Variants in EYA4 observed in about 807,000 individuals in gnomAD.
EYA4 encodes the protein EYA transcriptional coactivator and phosphatase 4, also known as protein phosphatase EYA4.
In EYA4, 31 loss-of-function variants were observed where a neutral mutation model predicts 87.9. The observed-to-expected ratio is 0.35, with a 90% CI of 0.27 to 0.48. The LOEUF is 0.48. EYA4 is among the 20% of genes least tolerant of loss of function. EYA4 has a pLI of 0.99. For missense variants in EYA4, 678 were observed against 761.4 expected, an observed-to-expected ratio of 0.89 and a Z score of 1.29; for synonymous variants, 263 against 270.6, an observed-to-expected ratio of 0.97 and a Z score of 0.28.
chr6:133,504,292 A>T (rs866247886), intron 13 of EYA4, among the ~76,000 whole-genome samples: 5 of 152,176 alleles, frequency 3.3e-5, no homozygotes, highest in Admixed American at 2.6e-4. Flanking sequence ...ATCTTTGGGT[A>T]TATAGTCCCA....
At chr6:133,477,490 G>C (rs1795844852) in intron 11 of EYA4, among the ~76,000 whole-genome samples, 1 of 151,908 alleles carries the variant, frequency 6.6e-6, no homozygotes, top group African/African-American at 2.4e-5. Flanking sequence ...AGTTGTTTAA[G>C]TTCCTTGTGT....
intron 3 of EYA4, among the ~76,000 whole-genome samples, chr6:133,431,348 G>A (rs761917778): frequency 9.2e-5 from 14 of 152,160 alleles, no homozygotes; most frequent in Admixed American, 2.0e-4. Flanking sequence ...CTGTTCTAGG[G>A]CAAGTGTGGC....
intron 18 of EYA4, among the ~76,000 whole-genome samples, chr6:133,523,884 G>C (rs533154114): frequency 6.6e-6 from 1 of 152,268 alleles, no homozygotes; most frequent in East Asian, 1.9e-4. Context: ...AAATAAATGG[G>C]TTGTGTAATA....
intron 2 of EYA4, among the ~76,000 whole-genome samples, chr6:133,380,610 A>G (rs761263091): frequency 6.6e-6 from 1 of 152,110 alleles, no homozygotes; most frequent in Non-Finnish European, 1.5e-5. Context: ...CTGTGTATTC[A>G]TTGGGCAGTT....
At chr6:133,329,700 T>G (rs920407368) in intron 2 of EYA4, among the ~76,000 whole-genome samples, 1 of 152,098 alleles carries the variant, frequency 6.6e-6, no homozygotes, top group African/African-American at 2.4e-5. Flanking sequence ...TGGTGCTTGG[T>G]GTTTCTCAAA....
chr6:133,334,155 G>A (rs2128391286), intron 2 of EYA4, among the ~76,000 whole-genome samples: 1 of 152,290 alleles, frequency 6.6e-6, no homozygotes, highest in Middle Eastern at 3.4e-3. Flanking sequence ...TTCCCACATG[G>A]CTTAATAACT....
At chr6:133,273,111 A>ATATATATATATATATATATATG (rs1776867418) in intron 1 of EYA4, among the ~76,000 whole-genome samples, 4 of 148,224 alleles carry the variant, frequency 2.7e-5, no homozygotes, top group African/African-American at 1.0e-4. Flanking sequence ...ATATATATAT[A>ATATATATATATATATATATATG]TATATAAAGG....
intron 1 of EYA4, among the ~76,000 whole-genome samples, chr6:133,257,951 A>T (rs1775475830): frequency 6.6e-6 from 1 of 152,228 alleles, no homozygotes; most frequent in African/African-American, 2.4e-5. Flanking sequence ...TGTATGATAC[A>T]GTCTTGATTT....
intron 1 of EYA4, among the ~76,000 whole-genome samples, chr6:133,255,101 T>C (rs1039004032): frequency 6.6e-5 from 10 of 152,292 alleles, no homozygotes; most frequent in Non-Finnish European, 8.8e-5. Context: ...TAAGGAATAA[T>C]TGAATTCATG....
chr6:133,455,206 T>C (rs1025274400), intron 5 of EYA4, among the ~76,000 whole-genome samples: 1 of 152,168 alleles, frequency 6.6e-6, no homozygotes, highest in African/African-American at 2.4e-5. Context: ...TAATAGGGAT[T>C]ACTGTGCAAA....
intron 2 of EYA4, among the ~76,000 whole-genome samples, chr6:133,347,546 A>G (rs1783287853): frequency 6.6e-6 from 1 of 152,186 alleles, no homozygotes; most frequent in Non-Finnish European, 1.5e-5. Context: ...GGAAATACGG[A>G]AAAGGGCAAG....
At chr6:133,524,187 T>G (rs768602153) in intron 18 of EYA4, among the ~76,000 whole-genome samples, 2 of 152,194 alleles carry the variant, frequency 1.3e-5, no homozygotes, top group Non-Finnish European at 2.9e-5. Flanking sequence ...AGAAAGAAGG[T>G]AATTTTGCTT....
chr6:133,461,543 T>C (rs897126420), intron 7 of EYA4, among the ~76,000 whole-genome samples: 2 of 152,190 alleles, frequency 1.3e-5, no homozygotes, highest in African/African-American at 4.8e-5. Context: ...AGAATATGCC[T>C]TATTGTTTTT....
Position 133,506,201 on chromosome 6 carries a change from A to T in EYA4, c.1281+6A>T. On this transcript the variant is annotated splice_donor_region_variant and intron_variant, in intron 14 of 19. Coordinates refer to ENST00000355286, the MANE Select transcript of EYA4 (RefSeq NM_004100.5). Reference sequence around the variant, plus strand: ...TGTTTTTTAATGATTTAGAGGTAAGAATTTTACAAGGTACAAATAGTTGTA... The same window carrying T: ...TGTTTTTTAATGATTTAGAGGTAAGTATTTTACAAGGTACAAATAGTTGTA... The T allele has an allele frequency of 6.6e-7, 1 of 1,514,846 alleles. No homozygotes were observed. The highest frequency in any genetic ancestry group is 9.2e-7 in the Non-Finnish European group (1 of 1,089,662). The allele number at this position is 1,514,846 out of a possible 1,614,324, so 93.8% of individuals were successfully genotyped here.
chr6:133,392,757 C>T (rs1787414551), intron 3 of EYA4, among the ~76,000 whole-genome samples: 1 of 152,176 alleles, frequency 6.6e-6, no homozygotes, highest in Non-Finnish European at 1.5e-5. Context: ...CCTCTTCTTT[C>T]TGACAGCTTG....
chr6:133,397,736 G>T (rs1278555366), intron 3 of EYA4, among the ~76,000 whole-genome samples: 1 of 152,216 alleles, frequency 6.6e-6, no homozygotes, highest in Non-Finnish European at 1.5e-5. Context: ...TGGACTTACA[G>T]CTCCACGTGC....
Position 133,531,166 on chromosome 6 carries a change from T to G in EYA4, c.*2361T>G, listed in dbSNP as rs1479197630. 6.5e-7 allele frequency: 1 copy of G among 1,534,528 alleles called. No individual in the cohort carries two copies. Among genetic ancestry groups the G allele is most frequent in the Admixed American group, 2.0e-5 (1 of 50,850 alleles). On this transcript the variant is annotated 3_prime_UTR_variant, in exon 20 of 20. Transcript: ENST00000355286. ...GAAGCCGGCTGGTTGCATCACCCCG[T>G]GCAGTTTCTCACACACATCTCTTTT...
At chr6:133,315,840 C>A (rs1205728295) in intron 2 of EYA4, among the ~76,000 whole-genome samples, 3 of 152,150 alleles carry the variant, frequency 2.0e-5, no homozygotes, top group African/African-American at 7.2e-5. Flanking sequence ...AGATGTTTTG[C>A]ATCTTCTAAT....
chr6:133,306,248 T>C (rs1304615165), intron 2 of EYA4, among the ~76,000 whole-genome samples: 2 of 152,162 alleles, frequency 1.3e-5, no homozygotes, highest in Non-Finnish European at 2.9e-5. Context: ...CATTTGAGAA[T>C]TCAACAGATT....
Sources: allele counts gnomAD v4.1 joint callset (sites outside exome capture counted in the v4.1 genomes callset), GRCh38; gene constraint gnomAD v4.1.1; transcripts MANE v1.5; gene names NCBI Gene and HGNC (gene_info 2026-07-23, HGNC 2026-07-21).